The following UTRN variants were observed in gnomAD, a reference collection of about 807,000 sequenced individuals.
UTRN encodes the protein utrophin.
Under a neutral mutation model 463.9 loss-of-function variants are expected in UTRN, and 283 were observed. That is an observed-to-expected ratio of 0.61 (90% CI 0.55 to 0.67). UTRN has a LOEUF of 0.67. Ranked by LOEUF, UTRN falls within the 30% of genes least tolerant of loss-of-function variation. The pLI is 0.00. For missense variants in UTRN, 3,922 were observed against 4,084.3 expected (o/e 0.96, Z 1.08); for synonymous variants, 1,442 against 1,431.5 (o/e 1.01, Z -0.17).
At chr6:144,401,979 A>G (rs536796256) in intron 2 of UTRN, among the ~76,000 whole-genome samples, 3 of 152,302 alleles carry the variant, frequency 2.0e-5, no homozygotes, top group South Asian at 4.1e-4. Context: ...ACCTTTCTGC[A>G]CTGTCGCAGA....
chr6:144,602,246 C>T (rs1302301349), intron 51 of UTRN, among the ~76,000 whole-genome samples: 1 of 152,000 alleles, frequency 6.6e-6, no homozygotes, highest in African/African-American at 2.4e-5. Context: ...ATTCTCCTGC[C>T]TCAGCCTGCT....
At position 144,501,090 on chromosome 6, in the gene UTRN, A is replaced by G. The variant is rs1794132020; in HGVS notation, c.4764+1663A>G. On this transcript the variant is annotated intron_variant, in intron 34 of 74. Transcript: ENST00000367545. ...TCTGTGGAGATGACAGCTGGGAGAA[A>G]GTTAAGATAGTAGACACTGGAAAGA... Among the ~76,000 whole-genome samples, 4 of 152,284 alleles carry G rather than the reference A, an allele frequency of 2.6e-5. No homozygotes were observed. In the South Asian group the frequency reaches 8.3e-4, roughly 32 times the overall value.
intron 23 of UTRN, among the ~76,000 whole-genome samples, chr6:144,465,834 G>A (rs1789904956): frequency 6.6e-6 from 1 of 152,122 alleles, no homozygotes; most frequent in East Asian, 1.9e-4. Context: ...AAGGCATGAA[G>A]CACAGTAGGT....
intron 51 of UTRN, among the ~76,000 whole-genome samples, chr6:144,656,336 G>A (rs143282920): frequency 1.2e-3 from 185 of 152,282 alleles, no homozygotes; most frequent in African/African-American, 4.3e-3. Flanking sequence ...TATCAAAGAG[G>A]TGGTTGATAA....
At chr6:144,530,728 G>A (rs1252926800) in intron 41 of UTRN, among the ~76,000 whole-genome samples, 1 of 152,068 alleles carries the variant, frequency 6.6e-6, no homozygotes, top group East Asian at 1.9e-4. Flanking sequence ...CTGCTCGAGT[G>A]TGTGTGTGAG....
intron 58 of UTRN, among the ~76,000 whole-genome samples, chr6:144,766,265 C>T (rs1793329342): frequency 6.6e-6 from 1 of 151,716 alleles, no homozygotes; most frequent in Non-Finnish European, 1.5e-5. Flanking sequence ...GTAAGTACAC[C>T]ACCTCTCAGA....
chr6:144,722,495 G>A (rs1169558275), intron 53 of UTRN, among the ~76,000 whole-genome samples: 1 of 151,912 alleles, frequency 6.6e-6, no homozygotes, highest in Non-Finnish European at 1.5e-5. Flanking sequence ...GGAAATTTTT[G>A]CTCTTTTCAT....
At chr6:144,717,818 T>G (rs1786674252) in intron 53 of UTRN, among the ~76,000 whole-genome samples, 1 of 151,638 alleles carries the variant, frequency 6.6e-6, no homozygotes, top group African/African-American at 2.4e-5. Context: ...GTATTTTTAG[T>G]AGAGACGGGG....
chr6:144,344,832 A>G (rs1374294221), intron 2 of UTRN, among the ~76,000 whole-genome samples: 4 of 152,260 alleles, frequency 2.6e-5, no homozygotes, highest in African/African-American at 4.8e-5. Context: ...TTTCTGTTTC[A>G]GTGCAGGCTT....
intron 2 of UTRN, among the ~76,000 whole-genome samples, chr6:144,362,904 T>A (rs777670739): frequency 6.6e-6 from 1 of 152,210 alleles, no homozygotes; most frequent in Admixed American, 6.5e-5. Flanking sequence ...AATGAGTTTT[T>A]ATGCTAAGTA....
intron 51 of UTRN, among the ~76,000 whole-genome samples, chr6:144,652,334 C>T (rs1778902937): frequency 6.6e-6 from 1 of 152,184 alleles, no homozygotes; most frequent in African/African-American, 2.4e-5. Context: ...GACTTAATCA[C>T]TATCACAAGA....
At chr6:144,632,963 T>C (rs1210822191) in intron 51 of UTRN, among the ~76,000 whole-genome samples, 2 of 151,998 alleles carry the variant, frequency 1.3e-5, no homozygotes, top group Admixed American at 1.3e-4. Context: ...TCAGGTGATC[T>C]GCCCGCTTTG....
At chr6:144,606,087 G>T (rs955172869) in intron 51 of UTRN, among the ~76,000 whole-genome samples, 1 of 152,082 alleles carries the variant, frequency 6.6e-6, no homozygotes, top group Non-Finnish European at 1.5e-5. Context: ...TATTCTAATT[G>T]TACCTTGTCG....
intron 51 of UTRN, among the ~76,000 whole-genome samples, chr6:144,671,566 A>G (rs192692978): frequency 6.6e-6 from 1 of 152,136 alleles, no homozygotes; most frequent in African/African-American, 2.4e-5. Flanking sequence ...TTAGGTATAC[A>G]ATCATGTCAT....
chr6:144,781,085 C>T (rs1171336958), intron 60 of UTRN, among the ~76,000 whole-genome samples: 1 of 152,194 alleles, frequency 6.6e-6, no homozygotes, highest in Non-Finnish European at 1.5e-5. Flanking sequence ...AGGGGCTCTG[C>T]CTTCACCTCC....
At chr6:144,423,198 A>T (rs1005229965) in intron 4 of UTRN, among the ~76,000 whole-genome samples, 1 of 152,222 alleles carries the variant, frequency 6.6e-6, no homozygotes, top group Non-Finnish European at 1.5e-5. Context: ...GCACATTAGA[A>T]CTACAGGCAA....
chr6:144,530,961 A>G (rs1451429031), intron 41 of UTRN, 91 bp from the exon 42 acceptor site: 2 of 1,396,118 alleles, frequency 1.4e-6, no homozygotes, highest in African/African-American at 1.4e-5. Flanking sequence ...CTTTCTGTTT[A>G]AATGAAATTT....
intron 37 of UTRN, among the ~76,000 whole-genome samples, chr6:144,515,740 G>A (rs892119480): frequency 1.3e-5 from 2 of 152,062 alleles, no homozygotes; most frequent in Non-Finnish European, 2.9e-5. Context: ...ATTTTTCTAC[G>A]TAGATGTTAT....
intron 50 of UTRN, among the ~76,000 whole-genome samples, chr6:144,576,544 A>T (rs1160494481): frequency 1.3e-5 from 2 of 152,210 alleles, no homozygotes; most frequent in Non-Finnish European, 1.5e-5. Context: ...TGCTTCAATT[A>T]TTTTTATTTT....
Sources: gnomAD v4.1 joint callset for allele counts (sites outside exome capture counted in the v4.1 genomes callset) on GRCh38, gnomAD v4.1.1 for gene constraint, MANE v1.5 for transcripts, NCBI Gene and HGNC (gene_info 2026-07-23, HGNC 2026-07-21) for gene names.